ATP6V1E1: variants seen among roughly 807,000 people sequenced by gnomAD.
The protein encoded by ATP6V1E1 is V-type proton ATPase subunit E 1.
ATP6V1E1 carries 21 observed loss-of-function variants against 35.2 expected under a neutral mutation model. The ratio of observed to expected loss-of-function variants is 0.60; its 90% CI spans 0.42 to 0.86. ATP6V1E1 has a LOEUF of 0.86. Ranked by LOEUF, ATP6V1E1 falls within the 40% of genes least tolerant of loss-of-function variation. The probability of loss-of-function intolerance (pLI) is 0.00; values close to 1 mark genes in which losing one functional copy is unlikely to be tolerated. For missense variants in ATP6V1E1, 183 were observed against 272.6 expected (o/e 0.67, Z 2.32); for synonymous variants, 83 against 87.8 (o/e 0.95, Z 0.30).
At chr22:17,624,979 T>C (rs774629701) in intron 1 of ATP6V1E1, among the ~76,000 whole-genome samples, 1 of 152,156 alleles carries the variant, frequency 6.6e-6, no homozygotes, top group Non-Finnish European at 1.5e-5. Flanking sequence ...TAAGAGTATA[T>C]GGAGGGCATT....
At chr22:17,599,599 A>T (rs2057751539) in intron 6 of ATP6V1E1, among the ~76,000 whole-genome samples, 1 of 142,672 alleles carries the variant, frequency 7.0e-6, no homozygotes, top group Non-Finnish European at 1.5e-5. Flanking sequence ...AAAAAAGGAA[A>T]CTAGATCCCT....
At chr22:17,617,890 A>C (rs111692548) in intron 2 of ATP6V1E1, among the ~76,000 whole-genome samples, 11 of 152,066 alleles carry the variant, frequency 7.2e-5, no homozygotes, top group Non-Finnish European at 1.5e-4. Flanking sequence ...GCTGACTGCA[A>C]CCTCTGCATT....
At position 17,619,507 on chromosome 22, in the gene ATP6V1E1, A is replaced by G. The variant is rs1294950953; in HGVS notation, c.53T>C (p.Phe18Ser). ...TTTCTCATTGGCTTCTTGTTCAATGAAAGCCATCATATGCTTTATCTATAA... is the reference window on the plus strand; with the variant it reads ...TTTCTCATTGGCTTCTTGTTCAATGGAAGCCATCATATGCTTTATCTATAA... ...VQKQIKHMMA[F>S]IEQEANEKAE... is the part of the protein sequence containing the mutation. Residue 18 changes from phenylalanine to serine, a missense_variant, in exon 2 of 9, where the codon TTC (phenylalanine) becomes TCC (serine). Physicochemically the swap from Phe to Ser is radical, Grantham distance 155. Coordinates refer to ENST00000253413, the MANE Select transcript of ATP6V1E1 (RefSeq NM_001696.4). 1 of 1,603,528 alleles carries G rather than the reference A, an allele frequency of 6.2e-7. No individual in the cohort carries two copies. The highest frequency in any genetic ancestry group is 8.5e-7 in the Non-Finnish European group (1 of 1,175,828).
intron 8 of ATP6V1E1, 151 bp from the exon 9 acceptor site, chr22:17,592,887 A>G (rs1024931804): frequency 1.5e-6 from 1 of 675,766 alleles, no homozygotes. Context: ...TTGCAAGCTC[A>G]CGCCATTCTC....
chr22:17,616,366 T>C (rs1257356313), intron 2 of ATP6V1E1, among the ~76,000 whole-genome samples: 1 of 141,826 alleles, frequency 7.1e-6, no homozygotes, highest in Non-Finnish European at 1.5e-5. Flanking sequence ...ATAAAATAAA[T>C]AAATATTTGA....
At chr22:17,599,980 A>AGGGAGGG in intron 6 of ATP6V1E1, 47 bp downstream of exon 6, 1 of 1,171,608 alleles carries the variant, frequency 8.5e-7, no homozygotes, top group Non-Finnish European at 1.2e-6. Flanking sequence ...GAAGGAAGAA[A>AGGGAGGG]GGGAGGGGGG....
intron 7 of ATP6V1E1, 128 bp downstream of exon 7, chr22:17,598,066 C>T (rs1443981991): frequency 1.7e-5 from 12 of 727,052 alleles, no homozygotes; most frequent in Non-Finnish European, 2.8e-5. Flanking sequence ...AAGTAGAATA[C>T]ACCACAGCTC....
chr22:17,617,448 C>T (rs1376854934), intron 2 of ATP6V1E1, among the ~76,000 whole-genome samples: 1 of 152,068 alleles, frequency 6.6e-6, no homozygotes, highest in East Asian at 1.9e-4. Context: ...CGTGCACCAC[C>T]ACACCCAACC....
At chr22:17,621,061 C>CA (rs58415833) in intron 1 of ATP6V1E1, among the ~76,000 whole-genome samples, 1,947 of 146,338 alleles carry the variant, frequency 0.013, 36 homozygotes, top group African/African-American at 0.046. Context: ...GACTCTGTCT[C>CA]AAAAAAAAAA....
chr22:17,609,564 G>A (rs2057804818), intron 4 of ATP6V1E1, among the ~76,000 whole-genome samples: 1 of 149,176 alleles, frequency 6.7e-6, no homozygotes, highest in African/African-American at 2.5e-5. Context: ...GGCCTCCTGG[G>A]TTCACGCCTT....
chr22:17,600,217 C>T (rs2057755732), intron 5 of ATP6V1E1, 122 bp from the exon 6 acceptor site: 2 of 823,012 alleles, frequency 2.4e-6, no homozygotes, highest in Non-Finnish European at 3.9e-6. Context: ...GGCGGATTGC[C>T]TGAGCTCAGA....
intron 8 of ATP6V1E1, among the ~76,000 whole-genome samples, chr22:17,593,263 G>A (rs2057714028): frequency 6.6e-6 from 1 of 150,640 alleles, no homozygotes; most frequent in Non-Finnish European, 1.5e-5. Context: ...TTACAAAAGG[G>A]ACACATTAAA....
chr22:17,612,794 T>C lies in ATP6V1E1; in HGVS notation c.276+18A>G. 1 of 1,544,856 alleles carries C rather than the reference T, an allele frequency of 6.5e-7. No individual in the cohort carries two copies. The highest frequency in any genetic ancestry group is 8.7e-7 in the Non-Finnish European group (1 of 1,145,080). On this transcript the variant is annotated intron_variant, in intron 4 of 8. Transcript: ENST00000253413. The stretch of plus-strand genomic sequence containing the variant: ...AAACATGTAATAATTTTATAACTAA[T>C]AGGGGCTAATTACTCACTGTGATAA...
At chr22:17,607,321 C>T (rs1025481697) in intron 4 of ATP6V1E1, among the ~76,000 whole-genome samples, 1 of 152,012 alleles carries the variant, frequency 6.6e-6, no homozygotes, top group Non-Finnish European at 1.5e-5. Flanking sequence ...CCAGGCCCAG[C>T]TAATTTTTGT....
At chr22:17,625,548 T>C (rs1031814003) in intron 1 of ATP6V1E1, among the ~76,000 whole-genome samples, 1 of 134,940 alleles carries the variant, frequency 7.4e-6, no homozygotes, top group Non-Finnish European at 1.7e-5. Context: ...CCCAAAGTGC[T>C]GGGATTACAG....
chr22:17,599,048 T>C (rs2057747889), intron 6 of ATP6V1E1, among the ~76,000 whole-genome samples: 1 of 152,078 alleles, frequency 6.6e-6, no homozygotes, highest in Non-Finnish European at 1.5e-5. Flanking sequence ...CTAAGTGAAA[T>C]GAAACAGTCA....
chr22:17,622,200 T>C (rs1027646785), intron 1 of ATP6V1E1, among the ~76,000 whole-genome samples: 1 of 152,228 alleles, frequency 6.6e-6, no homozygotes, highest in East Asian at 1.9e-4. Flanking sequence ...TAATTCATTT[T>C]GTTTATTAAT....
chr22:17,605,459 G>T (rs1165180334), intron 4 of ATP6V1E1, among the ~76,000 whole-genome samples: 1 of 152,056 alleles, frequency 6.6e-6, no homozygotes, highest in African/African-American at 2.4e-5. Context: ...GAACCCAGGA[G>T]GCGGGGGGTG....
At chr22:17,616,090 G>A (rs1033305538) in intron 2 of ATP6V1E1, among the ~76,000 whole-genome samples, 3 of 151,904 alleles carry the variant, frequency 2.0e-5, no homozygotes, top group East Asian at 1.9e-4. Flanking sequence ...GCTCACGCCT[G>A]TAATCCCAGC....
Sources: gnomAD v4.1 joint callset for allele counts (sites outside exome capture counted in the v4.1 genomes callset) on GRCh38, gnomAD v4.1.1 for gene constraint, MANE v1.5 for transcripts, NCBI Gene and HGNC (gene_info 2026-07-23, HGNC 2026-07-21) for gene names.